Variants in ARMC3 observed in about 807,000 individuals in gnomAD.
The protein encoded by ARMC3 is armadillo repeat-containing protein 3.
Under a neutral mutation model 90.3 loss-of-function variants are expected in ARMC3, and 74 were observed. The ratio of observed to expected loss-of-function variants is 0.82; its 90% CI spans 0.68 to 0.99. The LOEUF (loss-of-function observed/expected upper bound fraction) is 0.99, where lower values mean the gene tolerates loss of function less well. Among genes scored for constraint, ARMC3 ranks in the 50% least tolerant of loss-of-function variants. The pLI, the probability that ARMC3 is intolerant of heterozygous loss-of-function variation, is 0.00. For synonymous variants in ARMC3, 334 were observed against 361.8 expected (o/e 0.92, Z 0.87); for missense variants, 958 against 1,042.8 (o/e 0.92, Z 1.12).
chr10:23,024,206 A>G (rs542453689), intron 16 of ARMC3, among the ~76,000 whole-genome samples: 1 of 152,316 alleles, frequency 6.6e-6, no homozygotes, highest in East Asian at 1.9e-4. Flanking sequence ...AGAACTGTCA[A>G]CCACAAGTAT....
chr10:23,004,733 G>A (rs146212981), intron 13 of ARMC3, among the ~76,000 whole-genome samples: 30 of 152,172 alleles, frequency 2.0e-4, no homozygotes, highest in African/African-American at 6.7e-4. Context: ...GAGAAAATTT[G>A]AATAATTCAA....
At chr10:22,941,827 A>C (rs780252126) in intron 2 of ARMC3, among the ~76,000 whole-genome samples, 13 of 152,330 alleles carry the variant, frequency 8.5e-5, no homozygotes, top group South Asian at 2.1e-4. Flanking sequence ...GTTTGAAATA[A>C]TTTTGTTCTT....
intron 15 of ARMC3, among the ~76,000 whole-genome samples, 155 bp from the exon 16 acceptor site, chr10:23,008,660 C>A (rs1190419644): frequency 6.6e-6 from 1 of 151,990 alleles, no homozygotes; most frequent in Non-Finnish European, 1.5e-5. Context: ...AACACCGGGT[C>A]CCTGGCTTCA....
chr10:23,002,122 A>C, intron 12 of ARMC3, 67 bp downstream of exon 12: 1 of 1,549,642 alleles, frequency 6.5e-7, no homozygotes, highest in Non-Finnish European at 8.7e-7. Context: ...CACACTCTTT[A>C]GGCCCAAGGA....
chr10:22,954,310 G>A (rs547986009), intron 3 of ARMC3, among the ~76,000 whole-genome samples: 65 of 152,112 alleles, frequency 4.3e-4, no homozygotes, highest in African/African-American at 1.6e-3. Flanking sequence ...ACAATTTGTA[G>A]AATATCTTTT....
chr10:22,970,008 A>G (rs1209749297), intron 8 of ARMC3, among the ~76,000 whole-genome samples: 1 of 152,182 alleles, frequency 6.6e-6, no homozygotes, highest in East Asian at 1.9e-4. Context: ...TGAGTGAACT[A>G]TAACTTCTCC....
intron 18 of ARMC3, among the ~76,000 whole-genome samples, chr10:23,036,142 G>T (rs1277314603): frequency 6.6e-6 from 1 of 152,080 alleles, no homozygotes; most frequent in Non-Finnish European, 1.5e-5. Flanking sequence ...GCTTTGACAC[G>T]GAGTGTTACT....
At chr10:23,023,733 A>T (rs1838601761) in intron 16 of ARMC3, among the ~76,000 whole-genome samples, 1 of 152,222 alleles carries the variant, frequency 6.6e-6, no homozygotes, top group Non-Finnish European at 1.5e-5. Flanking sequence ...TACAATAATA[A>T]AATGGAGATG....
intron 13 of ARMC3, among the ~76,000 whole-genome samples, chr10:23,005,336 G>A (rs1837545683): frequency 6.6e-6 from 1 of 151,784 alleles, no homozygotes; most frequent in African/African-American, 2.4e-5. Flanking sequence ...AGATAAAATT[G>A]TGACAAAACG....
chr10:22,946,716 T>G (rs976461601), intron 3 of ARMC3: 1 of 152,788 alleles, frequency 6.5e-6, no homozygotes. Context: ...GTAGACACTC[T>G]TGACTTCAAG....
chr10:23,014,096 G>A (rs2131511614), intron 16 of ARMC3: 1 of 1,550,064 alleles, frequency 6.5e-7, no homozygotes. Context: ...GCACATTCTG[G>A]CAGCTCACTC....
intron 10 of ARMC3, among the ~76,000 whole-genome samples, chr10:22,997,011 A>G (rs1254720763): frequency 6.6e-6 from 1 of 152,130 alleles, no homozygotes; most frequent in Non-Finnish European, 1.5e-5. Context: ...TTGACATCTC[A>G]AGTATTTTTC....
intron 2 of ARMC3, among the ~76,000 whole-genome samples, chr10:22,935,648 C>T (rs967701449): frequency 2.0e-5 from 3 of 152,016 alleles, no homozygotes; most frequent in Non-Finnish European, 4.4e-5. Flanking sequence ...TCCCATCTTT[C>T]TCCCTCCTGA....
intron 16 of ARMC3, among the ~76,000 whole-genome samples, chr10:23,023,985 C>T (rs981373162): frequency 2.6e-5 from 4 of 152,022 alleles, no homozygotes; most frequent in Non-Finnish European, 5.9e-5. Context: ...AGATATAAAC[C>T]TTTTGATTAA....
intron 11 of ARMC3, 70 bp downstream of exon 11, chr10:22,998,467 A>G (rs1428793995): frequency 1.3e-6 from 2 of 1,559,902 alleles, no homozygotes; most frequent in Admixed American, 1.8e-5. Flanking sequence ...CATTGGAAAC[A>G]TTTTTAAGTG....
At chr10:22,996,226 CTA>C (rs1187376346) in intron 10 of ARMC3, among the ~76,000 whole-genome samples, 1 of 152,084 alleles carries the variant, frequency 6.6e-6, no homozygotes, top group Non-Finnish European at 1.5e-5. Context: ...TTCTGATAAA[CTA>C]ATATATTAGA....
chr10:23,004,959 G>A (rs989748669), intron 13 of ARMC3, among the ~76,000 whole-genome samples: 1 of 151,058 alleles, frequency 6.6e-6, no homozygotes, highest in African/African-American at 2.4e-5. Context: ...GCTCACGCCT[G>A]TAATCCCAGC....
intron 10 of ARMC3, among the ~76,000 whole-genome samples, chr10:22,993,346 G>A (rs1836796180): frequency 6.6e-6 from 1 of 152,226 alleles, no homozygotes; most frequent in Admixed American, 6.5e-5. Context: ...TGTCTAAAGT[G>A]TAAAATTTTA....
chr10:22,942,120 C>T (rs540911129), intron 2 of ARMC3, among the ~76,000 whole-genome samples: 1 of 152,088 alleles, frequency 6.6e-6, no homozygotes, highest in African/African-American at 2.4e-5. Flanking sequence ...ATCTAAGCAA[C>T]TTAAGAGGGG....
Sources: allele counts gnomAD v4.1 joint callset (sites outside exome capture counted in the v4.1 genomes callset), GRCh38; gene constraint gnomAD v4.1.1; transcripts MANE v1.5; gene names NCBI Gene and HGNC (gene_info 2026-07-23, HGNC 2026-07-21).